The following PTK2 variants were observed in gnomAD, a reference collection of about 807,000 sequenced individuals.
The protein encoded by PTK2 is protein tyrosine kinase 2.
Under a neutral mutation model 150.1 loss-of-function variants are expected in PTK2, and 45 were observed. The observed-to-expected ratio is 0.30, with a 90% CI of 0.24 to 0.38. PTK2 has a LOEUF of 0.38. Among genes scored for constraint, PTK2 ranks in the 10% least tolerant of loss-of-function variants. The pLI is 1.00. For synonymous variants in PTK2, 432 were observed against 449.2 expected (o/e 0.96, Z 0.48); for missense variants, 919 against 1,307.3 (o/e 0.70, Z 4.58).
At chr8:140,984,661 A>T (rs967913682) in intron 1 of PTK2, among the ~76,000 whole-genome samples, 1 of 152,098 alleles carries the variant, frequency 6.6e-6, no homozygotes, top group African/African-American at 2.4e-5. Context: ...CCCAAACCAA[A>T]GGTAAACATG....
chr8:140,715,155 GTTTTTTTTTTTTTT>G (rs67306225), intron 23 of PTK2, among the ~76,000 whole-genome samples: 14 of 56,016 alleles, frequency 2.5e-4, no homozygotes, highest in East Asian at 6.6e-4. Context: ...CATTAAAACC[GTTTTTTTTTTTTTT>G]TTTTTTTTTT....
At chr8:140,928,041 A>G (rs888702087) in intron 1 of PTK2, among the ~76,000 whole-genome samples, 21 of 142,370 alleles carry the variant, frequency 1.5e-4, no homozygotes, top group African/African-American at 4.2e-4. Flanking sequence ...ATCCCTCATC[A>G]TATCTATATT....
At chr8:140,922,003 CTAAATGTGGG>C (rs2154608293) in intron 2 of PTK2, among the ~76,000 whole-genome samples, 1 of 150,750 alleles carries the variant, frequency 6.6e-6, no homozygotes, top group Admixed American at 6.7e-5. Context: ...TCTAGCTTTC[CTAAATGTGGG>C]TAATTTTGTT....
At chr8:140,778,989 A>C (rs928699387) in intron 14 of PTK2, among the ~76,000 whole-genome samples, 1 of 152,080 alleles carries the variant, frequency 6.6e-6, no homozygotes, top group Admixed American at 6.6e-5. Context: ...GGCTGGGCAC[A>C]GTGGGTCACA....
At chr8:140,909,355 C>A (rs2100162168) in intron 2 of PTK2, among the ~76,000 whole-genome samples, 1 of 152,192 alleles carries the variant, frequency 6.6e-6, no homozygotes, top group African/African-American at 2.4e-5. Context: ...TACGTACTTT[C>A]CATGAGTAAG....
intron 5 of PTK2, 91 bp from the exon 6 acceptor site, chr8:140,846,769 T>A (rs1391806630): frequency 8.1e-6 from 7 of 859,468 alleles, no homozygotes; most frequent in Non-Finnish European, 1.3e-5. Context: ...GTACCTTTCA[T>A]ATAGTTTACA....
chr8:140,681,564 T>G (rs954367276), intron 27 of PTK2, among the ~76,000 whole-genome samples: 1 of 151,676 alleles, frequency 6.6e-6, no homozygotes, highest in Admixed American at 6.6e-5. Context: ...GATCACGAAG[T>G]CAGGAGATCG....
chr8:140,821,700 G>C (rs1371319569), intron 8 of PTK2: 2 of 152,370 alleles, frequency 1.3e-5, no homozygotes, highest in East Asian at 3.9e-4. Context: ...CAAAAGAGAA[G>C]GCCAAAGCTA....
At chr8:140,931,891 C>A (rs1240808925) in intron 1 of PTK2, among the ~76,000 whole-genome samples, 1 of 141,922 alleles carries the variant, frequency 7.0e-6, no homozygotes, top group African/African-American at 2.7e-5. Flanking sequence ...CATGATTGGG[C>A]CACTGCACTC....
chr8:140,995,104 G>A (rs1358731099), intron 1 of PTK2, among the ~76,000 whole-genome samples: 4 of 148,806 alleles, frequency 2.7e-5, no homozygotes, highest in African/African-American at 9.8e-5. Context: ...AAAAAAGGAC[G>A]GGCACGTGGC....
chr8:140,961,821 G>T (rs1263654843), intron 1 of PTK2, among the ~76,000 whole-genome samples: 2 of 152,052 alleles, frequency 1.3e-5, no homozygotes. Flanking sequence ...AGAAAGCAAA[G>T]GTTTCTTTTA....
chr8:140,975,976 T>C (rs1028004747), intron 1 of PTK2, among the ~76,000 whole-genome samples: 8 of 152,368 alleles, frequency 5.3e-5, no homozygotes, highest in African/African-American at 1.7e-4. Context: ...GTGCCTTTAG[T>C]AGTAAAACAC....
intron 10 of PTK2, among the ~76,000 whole-genome samples, chr8:140,814,761 G>A (rs1220011667): frequency 6.6e-6 from 1 of 151,838 alleles, no homozygotes; most frequent in Non-Finnish European, 1.5e-5. Flanking sequence ...TATACCCAAA[G>A]GAATATAAAT....
At chr8:140,890,430 T>C (rs948261598) in intron 3 of PTK2, 113 bp downstream of exon 3, 4 of 842,098 alleles carry the variant, frequency 4.8e-6, no homozygotes, top group South Asian at 2.0e-5. Flanking sequence ...TTCTGTAATA[T>C]GAAAAGTCCC....
chr8:140,901,275 T>C (rs567298335), intron 2 of PTK2, among the ~76,000 whole-genome samples: 1 of 152,190 alleles, frequency 6.6e-6, no homozygotes, highest in East Asian at 1.9e-4. Context: ...CAAATCCACA[T>C]GGAATTAAAG....
chr8:140,707,953 G>C (rs539415607), intron 23 of PTK2, among the ~76,000 whole-genome samples: 1 of 152,180 alleles, frequency 6.6e-6, no homozygotes, highest in Admixed American at 6.5e-5. Context: ...CCATAAGATG[G>C]GGGTGAGCTA....
intron 2 of PTK2, among the ~76,000 whole-genome samples, chr8:140,911,959 G>A (rs563309711): frequency 5.9e-5 from 9 of 152,112 alleles, no homozygotes; most frequent in African/African-American, 1.9e-4. Flanking sequence ...TAGGCCAGGC[G>A]CGGTGACTCA....
chr8:140,991,969 C>T (rs1589040624), intron 1 of PTK2, among the ~76,000 whole-genome samples: 1 of 151,382 alleles, frequency 6.6e-6, no homozygotes, highest in Non-Finnish European at 1.5e-5. Context: ...CAGCAAGACC[C>T]GGTCTCAAAG....
chr8:140,986,040 G>A (rs892465090), intron 1 of PTK2, among the ~76,000 whole-genome samples: 1 of 152,168 alleles, frequency 6.6e-6, no homozygotes. Flanking sequence ...GCAGATCCAC[G>A]TACCAGTGCA....
Sources: allele counts gnomAD v4.1 joint callset (sites outside exome capture counted in the v4.1 genomes callset), GRCh38; gene constraint gnomAD v4.1.1; transcripts MANE v1.5; gene names NCBI Gene and HGNC (gene_info 2026-07-23, HGNC 2026-07-21).